GPNMB: variants seen among roughly 807,000 people sequenced by gnomAD.
GPNMB encodes the protein transmembrane glycoprotein NMB.
A neutral mutation model predicts 57.3 loss-of-function variants in GPNMB; 71 were observed. The ratio of observed to expected loss-of-function variants is 1.24; its 90% CI spans 1.02 to 1.51. GPNMB has a LOEUF of 1.51. Ranked by LOEUF, GPNMB falls within the 40% of genes most tolerant of loss-of-function variation. The probability of loss-of-function intolerance (pLI) is 0.00; values close to 1 mark genes in which losing one functional copy is unlikely to be tolerated. For synonymous variants in GPNMB, 253 were observed against 263.2 expected, an observed-to-expected ratio of 0.96 and a Z score of 0.38; for missense variants, 677 against 691.9, an observed-to-expected ratio of 0.98 and a Z score of 0.24.
In GPNMB at chr7:23,274,358, G is replaced by C. The variant is rs555325298; in HGVS notation, c.*134G>C. 3.7e-4 allele frequency: 239 copies of C among 654,574 alleles called. 2 individuals are homozygous for C. The highest frequency in any genetic ancestry group is 2.7e-3 in the African/African-American group (148 of 54,488). The allele number at this position is 654,574 out of a possible 1,614,324, so 40.5% of individuals were successfully genotyped here. On this transcript the variant is annotated 3_prime_UTR_variant, in exon 11 of 11. Transcript: ENST00000258733. ...GTTTGGGGAAGTTGAATTTTTTATA[G>C]GTTAAATGTCATTTTAGAGATGGGG...
At chr7:23,254,027 T>A (rs1249146463) in intron 2 of GPNMB, 142 bp from the exon 3 acceptor site, 1 of 543,724 alleles carries the variant, frequency 1.8e-6, no homozygotes, top group Non-Finnish European at 2.9e-6. Flanking sequence ...AAAGCTAAAG[T>A]GAGGAATACA....
At position 23,254,258 on chromosome 7, in the gene GPNMB, T is replaced by A; in HGVS notation, c.313T>A (p.Cys105Ser). 1.2e-6 allele frequency: 2 copies of A among 1,611,314 alleles called. No homozygotes were observed. The highest frequency in any genetic ancestry group is 1.7e-6 in the Non-Finnish European group (2 of 1,177,446). ...TFAVNLIFPR[C>S]QKEDANGNIV... ...TGCGGTGAACCTGATATTCCCTAGA[T>A]GCCAAAAGGAAGATGCCAATGGCAA... The change falls in exon 3 of 11, where the codon TGC (cysteine) becomes AGC (serine). Residue 105 changes from cysteine (C) to serine (S), a missense_variant. Physicochemically the swap from Cys to Ser is moderately radical, Grantham distance 112. Coordinates refer to ENST00000258733, the MANE Select transcript of GPNMB (RefSeq NM_002510.3).
At chr7:23,273,760 A>G (rs1256212635) in intron 10 of GPNMB, 146 bp downstream of exon 10, 1 of 614,968 alleles carries the variant, frequency 1.6e-6, no homozygotes, top group African/African-American at 1.9e-5. Context: ...GTGAATACCA[A>G]ACTGGCCTGT....
At chr7:23,269,209 A>G (rs1482058840) in intron 8 of GPNMB, among the ~76,000 whole-genome samples, 1 of 152,046 alleles carries the variant, frequency 6.6e-6, no homozygotes, top group Non-Finnish European at 1.5e-5. Flanking sequence ...AACATGGTGA[A>G]ACCCCATCTC....
At chr7:23,264,915 G>A (rs1783022210) in intron 6 of GPNMB, among the ~76,000 whole-genome samples, 1 of 152,168 alleles carries the variant, frequency 6.6e-6, no homozygotes, top group Non-Finnish European at 1.5e-5. Flanking sequence ...AAGAGCTACT[G>A]AACTCGAATG....
chr7:23,252,748 A>G (rs924653766), intron 1 of GPNMB, among the ~76,000 whole-genome samples: 1 of 152,230 alleles, frequency 6.6e-6, no homozygotes, highest in African/African-American at 2.4e-5. Flanking sequence ...AAACACTATC[A>G]ACTAGCTTGA....
chr7:23,263,336 G>C (rs1278622153), intron 6 of GPNMB, among the ~76,000 whole-genome samples: 1 of 152,116 alleles, frequency 6.6e-6, no homozygotes, highest in Admixed American at 6.5e-5. Context: ...AGTGGGCCAG[G>C]CATGGTGGCT....
chr7:23,251,805 C>T (rs868741975), intron 1 of GPNMB, among the ~76,000 whole-genome samples: 1 of 152,228 alleles, frequency 6.6e-6, no homozygotes, highest in Non-Finnish European at 1.5e-5. Context: ...ATCAAATCAT[C>T]TATCTGCTCC....
At chr7:23,266,333 A>T in intron 6 of GPNMB, 184 bp from the exon 7 acceptor site, 2 of 602,170 alleles carry the variant, frequency 3.3e-6, no homozygotes, top group Non-Finnish European at 5.8e-6. Flanking sequence ...ATAATACCTT[A>T]TAGCTCTCAC....
intron 9 of GPNMB, among the ~76,000 whole-genome samples, chr7:23,271,799 C>T (rs760618045): frequency 7.9e-5 from 12 of 151,210 alleles, no homozygotes; most frequent in Non-Finnish European, 1.6e-4. Flanking sequence ...CCATCTCAAA[C>T]AAACAAACAC....
intron 1 of GPNMB, among the ~76,000 whole-genome samples, chr7:23,251,456 C>A (rs1764765436): frequency 6.6e-6 from 1 of 152,216 alleles, no homozygotes; most frequent in Non-Finnish European, 1.5e-5. Flanking sequence ...GATAATTGAG[C>A]TTTGGGCTGT....
intron 4 of GPNMB, 189 bp downstream of exon 4, chr7:23,257,254 G>C (rs953418147): frequency 4.8e-6 from 3 of 627,592 alleles, no homozygotes; most frequent in Non-Finnish European, 8.6e-6. Flanking sequence ...AAATCTCCAG[G>C]ACACCGAAGA....
chr7:23,267,952 G>A lies in GPNMB; in HGVS notation c.1184G>A (p.Ser395Asn). ...DVLMPVPWPE[S>N]SLIDFVVTCQ... Reference sequence around the variant, plus strand: ...CTGATGCCGGTGCCATGGCCTGAAAGCTCCCTAATAGACTTTGTCGTGACC... The same window carrying A: ...CTGATGCCGGTGCCATGGCCTGAAAACTCCCTAATAGACTTTGTCGTGACC... The change falls in exon 8 of 11, where the codon AGC (serine) becomes AAC (asparagine). Residue 395 changes from serine to asparagine, a missense_variant. Ser to Asn is a conservative substitution (Grantham distance 46, BLOSUM62 1). Coordinates refer to ENST00000258733, the MANE Select transcript of GPNMB (RefSeq NM_002510.3). 2 of 1,613,610 alleles carry A rather than the reference G, an allele frequency of 1.2e-6. No homozygotes were observed. The highest frequency in any genetic ancestry group is 1.7e-6 in the Non-Finnish European group (2 of 1,179,540).
chr7:23,260,554 A>T lies in GPNMB; in HGVS notation c.799A>T (p.Ile267Phe). 1 of 1,613,738 alleles carries T rather than the reference A, an allele frequency of 6.2e-7. No homozygotes were observed. Among genetic ancestry groups the T allele is most frequent in the Non-Finnish European group, 8.5e-7 (1 of 1,179,666 alleles). Residue 267 changes from isoleucine to phenylalanine, a missense_variant, in exon 6 of 11, where the codon ATT becomes TTT. Ile to Phe is a conservative substitution (Grantham distance 21). Coordinates refer to ENST00000258733, the MANE Select transcript of GPNMB (RefSeq NM_002510.3). ...KDLPIMFDVL[I>F]HDPSHFLNYS... ...TCTCCCCATTATGTTTGATGTCCTG[A>T]TTCATGATCCTAGCCACTTCCTCAA... is the stretch of plus-strand genomic sequence containing the variant.
Position 23,266,589 on chromosome 7 carries a change from A to C in GPNMB, c.1091A>C (p.His364Pro), listed in dbSNP as rs930129651. ...DENCQINRYG[H>P]FQATITIVEG... The stretch of plus-strand genomic sequence containing the variant: ...AACTGCCAGATTAACAGATATGGCC[A>C]CTTTCAAGCCACCATCACAATTGTA... Residue 364 changes from histidine to proline, a missense_variant, in exon 7 of 11, where the codon CAC becomes CCC. Coordinates refer to ENST00000258733, the MANE Select transcript of GPNMB (RefSeq NM_002510.3). The C allele has an allele frequency of 1.2e-6, 2 of 1,613,864 alleles. No individual in the cohort carries two copies. Among genetic ancestry groups the C allele is most frequent in the South Asian group, 1.1e-5 (1 of 91,054 alleles).
chr7:23,263,014 G>A (rs1782967033), intron 6 of GPNMB, among the ~76,000 whole-genome samples: 1 of 151,670 alleles, frequency 6.6e-6, no homozygotes, highest in African/African-American at 2.4e-5. Flanking sequence ...CTTCATTCTA[G>A]TAATCCTTTA....
Position 23,254,230 on chromosome 7 carries a change from A to G in GPNMB, c.285A>G (p.Thr95=). 2 of 1,614,004 alleles carry G rather than the reference A, an allele frequency of 1.2e-6. No individual in the cohort carries two copies. Among genetic ancestry groups the G allele is most frequent in the Non-Finnish European group, 1.7e-6 (2 of 1,179,878 alleles). Residue 95 remains threonine, a synonymous_variant, in exon 3 of 11, where the codon ACA becomes ACG. Coordinates refer to ENST00000258733, the MANE Select transcript of GPNMB (RefSeq NM_002510.3). The stretch of plus-strand genomic sequence containing the variant: ...CAGCCCTCGTGGGCTCAAATATAAC[A>G]TTTGCGGTGAACCTGATATTCCCTA... The part of the protein sequence containing the change: ...DSPALVGSNI[T]FAVNLIFPRC...
intron 4 of GPNMB, among the ~76,000 whole-genome samples, chr7:23,259,682 A>G (rs1782865884): frequency 1.3e-5 from 2 of 152,214 alleles, no homozygotes; most frequent in African/African-American, 2.4e-5. Context: ...TCAAGTGCCA[A>G]ATTACTTAGC....
At chr7:23,273,737 A>G (rs1783269230) in intron 10 of GPNMB, 123 bp downstream of exon 10, 1 of 663,262 alleles carries the variant, frequency 1.5e-6, no homozygotes, top group Non-Finnish European at 2.6e-6. Flanking sequence ...GGAGGAAAAT[A>G]TTACATTGAA....
Sources: gnomAD v4.1 joint callset for allele counts (sites outside exome capture counted in the v4.1 genomes callset) on GRCh38, gnomAD v4.1.1 for gene constraint, MANE v1.5 for transcripts, NCBI Gene and HGNC (gene_info 2026-07-23, HGNC 2026-07-21) for gene names.